Variants in ADAM12 observed in about 807,000 individuals in gnomAD.
The protein encoded by ADAM12 is ADAM metallopeptidase domain 12.
ADAM12 carries 70 observed loss-of-function variants against 106.4 expected under a neutral mutation model. That is an observed-to-expected ratio of 0.66 (90% CI 0.54 to 0.80). The LOEUF (loss-of-function observed/expected upper bound fraction) is 0.80. Among genes scored for constraint, ADAM12 ranks in the 30% least tolerant of loss-of-function variants. The probability of loss-of-function intolerance (pLI) is 0.00; values close to 1 mark genes in which losing one functional copy is unlikely to be tolerated. For synonymous variants in ADAM12, 420 were observed against 433.5 expected, an observed-to-expected ratio of 0.97 and a Z score of 0.39; for missense variants, 1,010 against 1,171.9, an observed-to-expected ratio of 0.86 and a Z score of 2.02.
intron 3 of ADAM12, among the ~76,000 whole-genome samples, chr10:126,187,741 G>A (rs1235044410): frequency 1.3e-5 from 2 of 152,216 alleles, no homozygotes; most frequent in Non-Finnish European, 1.5e-5. Context: ...GGCACAGCAC[G>A]CTGGCCACAG....
intron 21 of ADAM12, among the ~76,000 whole-genome samples, chr10:126,021,439 G>C (rs1002845527): frequency 6.6e-6 from 1 of 152,178 alleles, no homozygotes; most frequent in Non-Finnish European, 1.5e-5. Context: ...TAAAGCAAAG[G>C]AAGCTACCAC....
chr10:126,167,035 T>C (rs1043166984), intron 3 of ADAM12, among the ~76,000 whole-genome samples: 6 of 152,202 alleles, frequency 3.9e-5, no homozygotes, highest in Admixed American at 2.0e-4. Flanking sequence ...AAACAGTCAT[T>C]TCTCTTAAAC....
chr10:126,051,224 A>C (rs940760055), intron 14 of ADAM12, among the ~76,000 whole-genome samples: 3 of 152,208 alleles, frequency 2.0e-5, no homozygotes, highest in African/African-American at 4.8e-5. Context: ...GATCTGATTG[A>C]TCAAAGCAGT....
intron 17 of ADAM12, among the ~76,000 whole-genome samples, chr10:126,044,486 G>C (rs993900416): frequency 6.6e-6 from 1 of 152,182 alleles, no homozygotes; most frequent in Non-Finnish European, 1.5e-5. Flanking sequence ...AAACGAACTA[G>C]AAGTTGTTGA....
chr10:126,269,972 T>C (rs546429153), intron 3 of ADAM12, among the ~76,000 whole-genome samples: 1 of 152,324 alleles, frequency 6.6e-6, no homozygotes, highest in African/African-American at 2.4e-5. Context: ...TCAACGTCTA[T>C]ACAACTTCAA....
At chr10:126,296,413 G>A (rs1960381713) in intron 2 of ADAM12, among the ~76,000 whole-genome samples, 1 of 152,200 alleles carries the variant, frequency 6.6e-6, no homozygotes, top group African/African-American at 2.4e-5. Flanking sequence ...AGGATTACAG[G>A]TGTGAGCCAC....
At position 126,358,647 on chromosome 10, in the gene ADAM12, A is replaced by C. The variant is rs961604863; in HGVS notation, c.89-28138T>G. On this transcript the variant is annotated intron_variant, in intron 1 of 22. Transcript: ENST00000448723. ...AGTGTTGGAAGTCCTCGCCAGAGCA[A>C]TTTTGCAAGAGAAAGAGATAAAAGA... Among the ~76,000 whole-genome samples, 23 of 152,172 alleles carry C rather than the reference A, an allele frequency of 1.5e-4. 1 individual carries two copies. The highest frequency in any genetic ancestry group is 5.6e-4 in the African/African-American group (23 of 41,432).
At chr10:126,144,309 C>T (rs1565092576) in intron 4 of ADAM12, among the ~76,000 whole-genome samples, 1 of 152,114 alleles carries the variant, frequency 6.6e-6, no homozygotes. Context: ...ACTTAGTTGT[C>T]CAGAGTTTTG....
intron 11 of ADAM12, among the ~76,000 whole-genome samples, chr10:126,092,165 ATCT>A (rs1393589878): frequency 6.6e-6 from 1 of 152,202 alleles, no homozygotes; most frequent in Non-Finnish European, 1.5e-5. Flanking sequence ...TAACAATATG[ATCT>A]TCTTAGTCAT....
intron 12 of ADAM12, among the ~76,000 whole-genome samples, chr10:126,069,705 C>T (rs1305647534): frequency 3.3e-5 from 5 of 151,862 alleles, no homozygotes; most frequent in African/African-American, 1.2e-4. Flanking sequence ...GGTGTGGCCA[C>T]GGTGGTGGCA....
intron 1 of ADAM12, among the ~76,000 whole-genome samples, chr10:126,346,438 C>T (rs146363473): frequency 0.014 from 2,172 of 152,188 alleles, 63 homozygotes; most frequent in African/African-American, 0.05. Context: ...TGCTTTACTT[C>T]CAACTATGTG....
chr10:126,353,327 G>A (rs1855426442), intron 1 of ADAM12, among the ~76,000 whole-genome samples: 1 of 152,172 alleles, frequency 6.6e-6, no homozygotes, highest in Non-Finnish European at 1.5e-5. Flanking sequence ...TACGGTACAA[G>A]TGGGGAAAGC....
chr10:126,049,682 C>G lies in ADAM12; in HGVS notation c.1610-13G>C. The G allele has an allele frequency of 6.2e-7, 1 of 1,609,490 alleles. No individual in the cohort carries two copies. The highest frequency in any genetic ancestry group is 1.3e-5 in the African/African-American group (1 of 74,656). On this transcript the variant is annotated splice_polypyrimidine_tract_variant and intron_variant, in intron 14 of 22. Coordinates refer to ENST00000448723, the MANE Select transcript of ADAM12 (RefSeq NM_001288973.2). The surrounding 1 kb of genome is among the most constrained non-coding windows in gnomAD (Gnocchi z 4.4). ...GCAGGTTTAGCACCTGAAACAGAAG[C>G]AGAACTGCATTTTCATCTCCTGCAG...
At chr10:126,162,170 G>A (rs181585417) in intron 3 of ADAM12, among the ~76,000 whole-genome samples, 10 of 152,268 alleles carry the variant, frequency 6.6e-5, no homozygotes, top group Admixed American at 2.6e-4. Flanking sequence ...ACAGGGACAC[G>A]CCCAAAGCAC....
chr10:126,257,257 C>T lies in ADAM12; in HGVS notation c.260+21658G>A, dbSNP rs1167288812. On this transcript the variant is annotated intron_variant, in intron 3 of 22. Transcript: ENST00000448723. Reference sequence around the variant, plus strand: ...AAGGAATGATGTCAGGCAGTGATGTCCTAAAGCCCAGACACCAGGTATGCC... The same window carrying T: ...AAGGAATGATGTCAGGCAGTGATGTTCTAAAGCCCAGACACCAGGTATGCC... Among the ~76,000 whole-genome samples, 2 of 152,236 alleles carry T rather than the reference C, an allele frequency of 1.3e-5. 1 individual carries two copies. Among genetic ancestry groups the T allele is most frequent in the Non-Finnish European group, 2.9e-5 (2 of 68,040 alleles).
intron 3 of ADAM12, among the ~76,000 whole-genome samples, chr10:126,166,331 A>C (rs1457181776): frequency 6.6e-6 from 1 of 152,134 alleles, no homozygotes; most frequent in Non-Finnish European, 1.5e-5. Flanking sequence ...ACTGGCTGAA[A>C]TGTATGAGCA....
intron 2 of ADAM12, among the ~76,000 whole-genome samples, chr10:126,322,313 C>T (rs1003725352): frequency 6.6e-6 from 1 of 152,146 alleles, no homozygotes; most frequent in African/African-American, 2.4e-5. Flanking sequence ...TCTGCAGAAC[C>T]CCAGTCTGGC....
At chr10:126,056,626 T>TATCCAGTTGGCCAGG (rs1158928932) in intron 14 of ADAM12, among the ~76,000 whole-genome samples, 1 of 104,092 alleles carries the variant, frequency 9.6e-6, no homozygotes, top group Non-Finnish European at 2.2e-5. Context: ...TGCTTACTCT[T>TATCCAGTTGGCCAGG]GAGTGTGATA....
chr10:126,086,680 AATATATATATATAT>A (rs1210379675), intron 11 of ADAM12, among the ~76,000 whole-genome samples: 3 of 24,270 alleles, frequency 1.2e-4, no homozygotes, highest in African/African-American at 6.5e-4. Context: ...AAAAAAAAAA[AATATATATATATAT>A]ATATATATAT....
Sources: allele counts gnomAD v4.1 joint callset (sites outside exome capture counted in the v4.1 genomes callset), GRCh38; gene constraint gnomAD v4.1.1; non-coding constraint Gnocchi (gnomAD v3.1); transcripts MANE v1.5; gene names NCBI Gene and HGNC (gene_info 2026-07-23, HGNC 2026-07-21).